EGLN1: variants seen among roughly 807,000 people sequenced by gnomAD.
The protein encoded by EGLN1 is egl-9 family hypoxia inducible factor 1.
In EGLN1, 17 loss-of-function variants were observed where a neutral mutation model predicts 38.3. The observed-to-expected ratio is 0.44, with a 90% CI of 0.30 to 0.67. The LOEUF is 0.67. EGLN1 is among the 30% of genes least tolerant of loss of function. The pLI is 0.08. For synonymous variants in EGLN1, 283 were observed against 257.5 expected (o/e 1.10, Z -0.95); for missense variants, 477 against 603.3 (o/e 0.79, Z 2.19).
chr1:231,401,615 CATG>C (rs1201645101), intron 1 of EGLN1, among the ~76,000 whole-genome samples: 5 of 152,108 alleles, frequency 3.3e-5, no homozygotes, highest in African/African-American at 7.2e-5. Context: ...TTTAACTCAG[CATG>C]ATGTTTCTGA....
intron 4 of EGLN1, among the ~76,000 whole-genome samples, 196 bp downstream of exon 4, chr1:231,367,373 G>T (rs1210556433): frequency 1.3e-5 from 2 of 152,126 alleles, no homozygotes; most frequent in Admixed American, 6.5e-5. Context: ...CACATCCTTT[G>T]ACAATTTTTT....
intron 1 of EGLN1, among the ~76,000 whole-genome samples, chr1:231,408,892 A>T (rs1173959789): frequency 6.6e-6 from 1 of 152,130 alleles, no homozygotes. Flanking sequence ...CAGCACTAGA[A>T]AATGAAGGTA....
chr1:231,416,661 C>G (rs1689090969), intron 1 of EGLN1, among the ~76,000 whole-genome samples: 3 of 152,056 alleles, frequency 2.0e-5, no homozygotes, highest in Non-Finnish European at 4.4e-5. Context: ...CCACTAAAGC[C>G]CAGCCTAAAA....
At chr1:231,417,612 G>T (rs1048820370) in intron 1 of EGLN1, among the ~76,000 whole-genome samples, 1 of 152,158 alleles carries the variant, frequency 6.6e-6, no homozygotes, top group Non-Finnish European at 1.5e-5. Flanking sequence ...AAAGGGCAGG[G>T]TAACGGCAAA....
chr1:231,389,118 A>G (rs1050396020), intron 1 of EGLN1, among the ~76,000 whole-genome samples: 4 of 152,272 alleles, frequency 2.6e-5, no homozygotes, highest in African/African-American at 9.6e-5. Flanking sequence ...CAATTGAATC[A>G]ACATGATGAA....
chr1:231,391,328 G>A (rs1688382019), intron 1 of EGLN1, among the ~76,000 whole-genome samples: 1 of 152,050 alleles, frequency 6.6e-6, no homozygotes, highest in African/African-American at 2.4e-5. Context: ...ATAAGGCAGT[G>A]CTTCTGATCT....
chr1:231,384,405 G>GAA lies in EGLN1; in HGVS notation c.892-10308_892-10307dup, dbSNP rs34736172. On this transcript the variant is annotated intron_variant, in intron 1 of 4. Transcript: ENST00000366641. ...AATGGCAGAAGACAAGCATTACGAA[G>GAA]AAAAAAAAAAACACGCAATAGGGAA... 7.7e-3 allele frequency among the ~76,000 whole-genome samples: 1,120 copies of GAA among 145,114 alleles called. 10 individuals carry two copies. Among genetic ancestry groups the GAA allele is most frequent in the Non-Finnish European group, 0.01 (698 of 66,604 alleles).
At chr1:231,415,041 C>T (rs553672614) in intron 1 of EGLN1, among the ~76,000 whole-genome samples, 2 of 152,174 alleles carry the variant, frequency 1.3e-5, no homozygotes, top group East Asian at 3.9e-4. Flanking sequence ...GAGACCAAGG[C>T]AGGAGGATCA....
At chr1:231,407,964 T>C (rs1386374507) in intron 1 of EGLN1, among the ~76,000 whole-genome samples, 1 of 151,944 alleles carries the variant, frequency 6.6e-6, no homozygotes, top group African/African-American at 2.4e-5. Context: ...AAAGCAGAGG[T>C]GAGGTACAGG....
intron 1 of EGLN1, among the ~76,000 whole-genome samples, chr1:231,384,152 T>C (rs1688137404): frequency 6.6e-6 from 1 of 151,998 alleles, no homozygotes; most frequent in African/African-American, 2.4e-5. Context: ...GATATGGTGC[T>C]GGCGAGAGAG....
chr1:231,403,169 C>T (rs562351611), intron 1 of EGLN1, among the ~76,000 whole-genome samples: 128 of 152,124 alleles, frequency 8.4e-4, no homozygotes, highest in African/African-American at 2.6e-3. Context: ...CCTGTTGTAC[C>T]TTGGTAAATG....
intron 1 of EGLN1, among the ~76,000 whole-genome samples, chr1:231,413,354 T>C (rs1290772165): frequency 6.6e-6 from 1 of 152,014 alleles, no homozygotes; most frequent in East Asian, 1.9e-4. Flanking sequence ...GTGCTTGCTG[T>C]TTTCTGAACA....
In EGLN1 at chr1:231,421,397, G is replaced by A. The variant is rs776956500; in HGVS notation, c.492C>T (p.Pro164=). 7.5e-6 allele frequency: 12 copies of A among 1,603,870 alleles called. No individual in the cohort carries two copies. Among genetic ancestry groups the A allele is most frequent in the East Asian group, 2.2e-5 (1 of 44,556 alleles). Residue 164 remains proline, a synonymous_variant, in exon 1 of 5, where the codon CCC becomes CCT. Transcript: ENST00000366641. This position sits in a 1 kb window ranked among gnomAD's most constrained non-coding sequence, Gnocchi z 5.5. ...SLFQEKANLY[P]PSNTPGDALS... ...GCGCATCCCCGGGCGTGTTGCTTGG[G>A]GGGTACAGGTTCGCCTTCTCCTGGA...
At position 231,391,092 on chromosome 1, in the gene EGLN1, T is replaced by TTTTGTGTGTG. The variant is rs1553353098; in HGVS notation, c.892-16994_892-16993insCACACACAAA. 1.2e-3 allele frequency among the ~76,000 whole-genome samples: 80 copies of TTTTGTGTGTG among 67,364 alleles called. 8 individuals are homozygous for TTTTGTGTGTG. Among genetic ancestry groups the TTTTGTGTGTG allele is most frequent in the African/African-American group, 3.4e-3 (71 of 21,060 alleles). 44.2% of individuals were successfully genotyped at this position (67,364 alleles called of 152,430 possible). Reference sequence around the variant, plus strand: ...ACAGGGAACTCATTCTGTTTTTTTTTTGTGTGTGTGTGTGTGTGTGTGTGT... The same window carrying TTTTGTGTGTG: ...ACAGGGAACTCATTCTGTTTTTTTTTTTTGTGTGTGTGTGTGTGTGTGTGTGTGTGTGTGT... On this transcript the variant is annotated intron_variant, in intron 1 of 4. Coordinates refer to ENST00000366641, the MANE Select transcript of EGLN1 (RefSeq NM_022051.3).
rs556934256 is a variant in EGLN1 at position 231,382,553 on chromosome 1, C to T, written c.892-8454G>A. 5.3e-4 allele frequency among the ~76,000 whole-genome samples: 80 copies of T among 152,296 alleles called. 1 individual carries two copies. Among genetic ancestry groups the T allele is most frequent in the Admixed American group, 5.2e-3 (79 of 15,304 alleles). On this transcript the variant is annotated intron_variant, in intron 1 of 4. Coordinates refer to ENST00000366641, the MANE Select transcript of EGLN1 (RefSeq NM_022051.3). ...GTACTCAAGAAAGGTGTTATGGCTACACACTGTATAGGGACCACTGCTCTT... is the reference window on the plus strand; with the variant it reads ...GTACTCAAGAAAGGTGTTATGGCTATACACTGTATAGGGACCACTGCTCTT...
At chr1:231,418,440 T>C (rs1394887902) in intron 1 of EGLN1, among the ~76,000 whole-genome samples, 3 of 152,216 alleles carry the variant, frequency 2.0e-5, no homozygotes, top group Non-Finnish European at 4.4e-5. Context: ...AAAAAGAGCA[T>C]GGGTTTGATA....
At chr1:231,373,038 T>C (rs1366852985) in intron 2 of EGLN1, among the ~76,000 whole-genome samples, 3 of 152,208 alleles carry the variant, frequency 2.0e-5, no homozygotes, top group Admixed American at 1.3e-4. Context: ...AAAAAATTAG[T>C]CTGTACAGTC....
At chr1:231,374,675 G>T (rs1687913684) in intron 1 of EGLN1, among the ~76,000 whole-genome samples, 2 of 152,024 alleles carry the variant, frequency 1.3e-5, no homozygotes, top group Admixed American at 1.3e-4. Flanking sequence ...GTGTCACCAG[G>T]CTGGTTAATT....
At chr1:231,420,864 G>C in intron 1 of EGLN1, 134 bp downstream of exon 1, 2 of 1,554,372 alleles carry the variant, frequency 1.3e-6, no homozygotes, top group South Asian at 1.1e-5. Context: ...CTTCCTTACG[G>C]GGAGCTACAC....
Sources: gnomAD v4.1 joint callset for allele counts (sites outside exome capture counted in the v4.1 genomes callset) on GRCh38, gnomAD v4.1.1 for gene constraint, Gnocchi (gnomAD v3.1) non-coding constraint, MANE v1.5 for transcripts, NCBI Gene and HGNC (gene_info 2026-07-23, HGNC 2026-07-21) for gene names.